The following SLC24A3 variants were observed in gnomAD, a reference collection of about 807,000 sequenced individuals.
The protein encoded by SLC24A3 is solute carrier family 24 member 3, also known as sodium/potassium/calcium exchanger 3.
Under a neutral mutation model 75.8 loss-of-function variants are expected in SLC24A3, and 28 were observed. The observed-to-expected ratio is 0.37, with a 90% confidence interval of 0.27 to 0.51. SLC24A3 has a LOEUF of 0.51. Among genes scored for constraint, SLC24A3 ranks in the 20% least tolerant of loss-of-function variants. The pLI is 0.94. For synonymous variants in SLC24A3, 372 were observed against 334.1 expected (o/e 1.11, Z -1.24); for missense variants, 663 against 847.8 (o/e 0.78, Z 2.71).
intron 3 of SLC24A3, among the ~76,000 whole-genome samples, chr20:19,538,743 T>C (rs890908242): frequency 3.9e-5 from 6 of 152,182 alleles, no homozygotes; most frequent in African/African-American, 1.4e-4. Flanking sequence ...ATATGCATGC[T>C]CCCTGATCCA....
intron 2 of SLC24A3, among the ~76,000 whole-genome samples, chr20:19,433,065 A>C (rs1417772895): frequency 1.3e-5 from 2 of 152,198 alleles, no homozygotes; most frequent in Non-Finnish European, 2.9e-5. Flanking sequence ...GTTAAGATAT[A>C]GATATTTTAT....
intron 2 of SLC24A3, among the ~76,000 whole-genome samples, chr20:19,395,282 C>G (rs1986435148): frequency 6.6e-6 from 1 of 152,180 alleles, no homozygotes; most frequent in African/African-American, 2.4e-5. Flanking sequence ...TGTGCGTATA[C>G]TTAACACTAC....
chr20:19,241,530 G>C (rs1982327873), intron 1 of SLC24A3, among the ~76,000 whole-genome samples: 1 of 152,220 alleles, frequency 6.6e-6, no homozygotes, highest in African/African-American at 2.4e-5. Flanking sequence ...TCTCGCTTTG[G>C]CCGGGGTAGC....
At chr20:19,419,233 A>G (rs1477171167) in intron 2 of SLC24A3, among the ~76,000 whole-genome samples, 4 of 152,172 alleles carry the variant, frequency 2.6e-5, no homozygotes, top group African/African-American at 9.7e-5. Context: ...AAGATCACTG[A>G]TTATTGCTAA....
At chr20:19,655,333 A>G (rs541921351) in intron 7 of SLC24A3, among the ~76,000 whole-genome samples, 1 of 152,278 alleles carries the variant, frequency 6.6e-6, no homozygotes, top group African/African-American at 2.4e-5. Context: ...TCAACTGCTC[A>G]GTGGCTCTGT....
At chr20:19,328,429 G>T (rs1984920480) in intron 2 of SLC24A3, among the ~76,000 whole-genome samples, 1 of 152,168 alleles carries the variant, frequency 6.6e-6, no homozygotes, top group Admixed American at 6.5e-5. Context: ...AAAGACTCCA[G>T]AGAGTATTAT....
At position 19,635,699 on chromosome 20, in the gene SLC24A3, C is replaced by T. The variant is rs73283573; in HGVS notation, c.613-18363C>T. Among the ~76,000 whole-genome samples the T allele has an allele frequency of 2.6e-3, 394 of 152,220 alleles. 3 individuals are homozygous for T. The highest frequency in any genetic ancestry group is 9.2e-3 in the African/African-American group (382 of 41,532). On this transcript the variant is annotated intron_variant, in intron 6 of 16. Transcript: ENST00000328041. ...GTTTGGCACCTGGATTGGGGTGACT[C>T]GAAGACTGGGCTCATCTAGGACTAT...
chr20:19,677,165 A>G (rs1247031637), intron 9 of SLC24A3, among the ~76,000 whole-genome samples: 1 of 152,126 alleles, frequency 6.6e-6, no homozygotes, highest in Non-Finnish European at 1.5e-5. Context: ...GTACTTTAAA[A>G]GCAAAACCTA....
At chr20:19,269,905 A>G (rs1208060355) in intron 1 of SLC24A3, among the ~76,000 whole-genome samples, 2 of 152,142 alleles carry the variant, frequency 1.3e-5, no homozygotes, top group African/African-American at 4.8e-5. Context: ...GCATGAAGAG[A>G]AGAACATCCT....
intron 2 of SLC24A3, among the ~76,000 whole-genome samples, chr20:19,351,592 C>T (rs185204103): frequency 2.6e-5 from 4 of 152,132 alleles, no homozygotes; most frequent in African/African-American, 4.8e-5. Flanking sequence ...GGGTTAGTAA[C>T]GTTTTCCTCT....
chr20:19,623,140 T>A (rs1307787778), intron 6 of SLC24A3, among the ~76,000 whole-genome samples: 3 of 152,200 alleles, frequency 2.0e-5, no homozygotes, highest in Non-Finnish European at 4.4e-5. Context: ...TTTGCTTGGT[T>A]TTATTTTTTA....
intron 1 of SLC24A3, among the ~76,000 whole-genome samples, chr20:19,224,113 AGTGTGTGAGT>A (rs1322385252): frequency 9.5e-6 from 1 of 105,578 alleles, no homozygotes; most frequent in Non-Finnish European, 1.9e-5. Context: ...ATGTGGTGTG[AGTGTGTGAGT>A]GTGTGTGTGT....
chr20:19,448,224 C>T (rs1027516956), intron 2 of SLC24A3, among the ~76,000 whole-genome samples: 1 of 152,198 alleles, frequency 6.6e-6, no homozygotes, highest in Non-Finnish European at 1.5e-5. Flanking sequence ...CAGTGCTGGA[C>T]CCCATGATCT....
chr20:19,710,140 A>C (rs997557102), intron 15 of SLC24A3, among the ~76,000 whole-genome samples: 39 of 152,370 alleles, frequency 2.6e-4, no homozygotes, highest in African/African-American at 9.4e-4. Context: ...CATATGTTCC[A>C]AGTTAGAAAT....
At chr20:19,364,263 A>G (rs1199652093) in intron 2 of SLC24A3, among the ~76,000 whole-genome samples, 3 of 152,022 alleles carry the variant, frequency 2.0e-5, no homozygotes, top group African/African-American at 7.2e-5. Flanking sequence ...CTTCCACTTC[A>G]GCCAGCCGCC....
chr20:19,353,492 C>A (rs1046672945), intron 2 of SLC24A3, among the ~76,000 whole-genome samples: 1 of 152,188 alleles, frequency 6.6e-6, no homozygotes, highest in Non-Finnish European at 1.5e-5. Flanking sequence ...TAACTGGAAT[C>A]TGTTTGCTCA....
intron 2 of SLC24A3, among the ~76,000 whole-genome samples, chr20:19,291,385 C>T (rs529681200): frequency 4.6e-5 from 7 of 152,312 alleles, no homozygotes; most frequent in South Asian, 2.1e-4. Flanking sequence ...CCAGTGAGTG[C>T]GCTTTGGTTT....
chr20:19,552,364 C>T (rs1216282619), intron 3 of SLC24A3, among the ~76,000 whole-genome samples: 4 of 152,168 alleles, frequency 2.6e-5, no homozygotes, highest in South Asian at 4.1e-4. Context: ...TCTACACAGC[C>T]GCCCAGCAAC....
chr20:19,285,764 A>G (rs1269739300), intron 2 of SLC24A3, among the ~76,000 whole-genome samples: 1 of 151,844 alleles, frequency 6.6e-6, no homozygotes, highest in Non-Finnish European at 1.5e-5. Flanking sequence ...ATGACCTATT[A>G]AGAGAAATTT....
Sources: allele counts gnomAD v4.1 joint callset (sites outside exome capture counted in the v4.1 genomes callset), GRCh38; gene constraint gnomAD v4.1.1; transcripts MANE v1.5; gene names NCBI Gene and HGNC (gene_info 2026-07-23, HGNC 2026-07-21).